Variants in MAML1 observed in about 807,000 individuals in gnomAD.
MAML1 encodes the protein mastermind-like protein 1.
A neutral mutation model predicts 77.1 loss-of-function variants in MAML1; 14 were observed. That is an observed-to-expected ratio of 0.18 (90% CI 0.12 to 0.28). MAML1 has a LOEUF of 0.28. MAML1 is among the 10% of genes least tolerant of loss of function. The pLI, the probability that MAML1 is intolerant of heterozygous loss-of-function variation, is 1.00. For synonymous variants in MAML1, 516 were observed against 551.9 expected (o/e 0.93, Z 0.91); for missense variants, 1,217 against 1,327.8 (o/e 0.92, Z 1.30).
chr5:179,753,556 C>T (rs2113357042), intron 1 of MAML1, among the ~76,000 whole-genome samples: 1 of 151,824 alleles, frequency 6.6e-6, no homozygotes, highest in East Asian at 1.9e-4. Context: ...GTGATTGATG[C>T]CTCGAAGAAA....
Position 179,765,986 on chromosome 5 carries a change from T to C in MAML1, c.976T>C (p.Phe326Leu). The change falls in exon 2 of 5, where the codon TTT becomes CTT. Residue 326 changes from phenylalanine to leucine, a missense_variant. This residue lies in a region of MAML1 where 884 missense variants were observed against 949.3 expected (regional missense o/e 0.93). Coordinates refer to ENST00000292599, the MANE Select transcript of MAML1 (RefSeq NM_014757.5). ...GAGGGCCGGGTCTGCAGGGCAGACC[T>C]TTCTGGGGCCTTCCTCTGCCCCTGT... ...QVRAGSAGQT[F>L]LGPSSAPVST... The C allele has an allele frequency of 5.0e-6, 8 of 1,610,614 alleles. No homozygotes were observed. The highest frequency in any genetic ancestry group is 6.8e-6 in the Non-Finnish European group (8 of 1,178,788).
At chr5:179,773,475 C>T (rs916501071) in intron 4 of MAML1, among the ~76,000 whole-genome samples, 2 of 152,256 alleles carry the variant, frequency 1.3e-5, no homozygotes, top group Non-Finnish European at 2.9e-5. Flanking sequence ...GGGCTTCCAG[C>T]CTGCACCCTG....
intron 1 of MAML1, among the ~76,000 whole-genome samples, chr5:179,738,110 A>C (rs1025218659): frequency 1.3e-5 from 2 of 152,120 alleles, no homozygotes; most frequent in Non-Finnish European, 2.9e-5. Flanking sequence ...GAAAAGCTCT[A>C]AGTTTGGTAC....
In MAML1 at chr5:179,765,921, C is replaced by T. The variant is rs202236629; in HGVS notation, c.911C>T (p.Pro304Leu). Residue 304 changes from proline (P) to leucine (L), a missense_variant, in exon 2 of 5, where the codon CCA becomes CTA. By Grantham distance (98) the Pro-to-Leu change is moderately conservative. Around this residue, in one of 3 missense-constraint regions of MAML1, gnomAD observed 884 missense variants for 949.3 expected, o/e 0.93. Coordinates refer to ENST00000292599, the MANE Select transcript of MAML1 (RefSeq NM_014757.5). ...QDINIKTEFS[P>L]AAFEQEQLGS... Reference sequence around the variant, plus strand: ...ATTAATATTAAGACGGAATTCTCTCCAGCAGCCTTTGAGCAAGAACAGTTA... The same window carrying T: ...ATTAATATTAAGACGGAATTCTCTCTAGCAGCCTTTGAGCAAGAACAGTTA... The T allele has an allele frequency of 1.2e-6, 2 of 1,614,132 alleles. No individual in the cohort carries two copies. Among genetic ancestry groups the T allele is most frequent in the Non-Finnish European group, 1.7e-6 (2 of 1,180,020 alleles).
At position 179,775,001 on chromosome 5, in the gene MAML1, G is replaced by A; in HGVS notation, c.*124G>A. On this transcript the variant is annotated 3_prime_UTR_variant, in exon 5 of 5. Transcript: ENST00000292599. The stretch of plus-strand genomic sequence containing the variant: ...GGGGAGCTGGGCAGGTAGAGCCCAA[G>A]CTCCAGGTGAGGCCTGGCCCTGGGC... 6.8e-7 allele frequency: 1 copy of A among 1,480,480 alleles called. No homozygotes were observed. Among genetic ancestry groups the A allele is most frequent in the Non-Finnish European group, 8.9e-7 (1 of 1,124,122 alleles). 91.7% of individuals were successfully genotyped at this position (1,480,480 alleles called of 1,614,324 possible).
intron 1 of MAML1, among the ~76,000 whole-genome samples, chr5:179,752,554 G>T (rs1482168419): frequency 2.8e-5 from 4 of 144,470 alleles, no homozygotes; most frequent in Non-Finnish European, 6.0e-5. Flanking sequence ...GTTGAGTAAT[G>T]AGTACGTTTG....
chr5:179,771,081 C>T lies in MAML1; in HGVS notation c.1972-66C>T. On this transcript the variant is annotated intron_variant, in intron 3 of 4. Coordinates refer to ENST00000292599, the MANE Select transcript of MAML1 (RefSeq NM_014757.5). This position sits in a 1 kb window ranked among gnomAD's most constrained non-coding sequence, Gnocchi z 4.7. ...GATAAGTTACTTTTCTCTGACCTCC[C>T]TCACTCCCTTTGTTTTGGATTTTGT... 1 of 1,237,866 alleles carries T rather than the reference C, an allele frequency of 8.1e-7. No individual in the cohort carries two copies. Among genetic ancestry groups the T allele is most frequent in the Non-Finnish European group, 1.2e-6 (1 of 837,684 alleles). The allele number at this position is 1,237,866 out of a possible 1,614,324, so 76.7% of individuals were successfully genotyped here. A position where few individuals can be genotyped will look rare whatever the true frequency, so the allele number is the denominator to read the frequency against.
At chr5:179,768,813 G>A (rs201862041) in intron 2 of MAML1, 37 bp from the exon 3 acceptor site, 1 of 1,611,594 alleles carries the variant, frequency 6.2e-7, no homozygotes, top group African/African-American at 1.3e-5. Flanking sequence ...TCTGATCAGA[G>A]CTTAGAGACT....
At chr5:179,740,822 A>G (rs1195481772) in intron 1 of MAML1, among the ~76,000 whole-genome samples, 2 of 152,084 alleles carry the variant, frequency 1.3e-5, no homozygotes, top group African/African-American at 2.4e-5. Context: ...TTCAAGGGAA[A>G]TTCCTAGTTT....
chr5:179,736,693 G>T (rs1779177420), intron 1 of MAML1, among the ~76,000 whole-genome samples: 1 of 152,134 alleles, frequency 6.6e-6, no homozygotes, highest in Non-Finnish European at 1.5e-5. Flanking sequence ...CGGGAGCAGT[G>T]GTTGACTCCT....
intron 1 of MAML1, among the ~76,000 whole-genome samples, chr5:179,735,117 A>G (rs1473968207): frequency 6.6e-6 from 1 of 152,234 alleles, no homozygotes; most frequent in Non-Finnish European, 1.5e-5. Context: ...TGGCACATGT[A>G]TACGTATGTA....
At chr5:179,753,654 A>ATTTTTTTTTTTTT (rs1209995171) in intron 1 of MAML1, among the ~76,000 whole-genome samples, 2 of 88,850 alleles carry the variant, frequency 2.3e-5, no homozygotes, top group African/African-American at 3.6e-5. Context: ...TATTATTATT[A>ATTTTTTTTTTTTT]TTTTTTTTTT....
rs1756103977 is a variant in MAML1, at chr5:179,775,013, GC to G, written c.*138del. 4.8e-6 allele frequency: 7 copies of G among 1,466,552 alleles called. No individual in the cohort carries two copies. In the Admixed American group the frequency reaches 1.5e-4, roughly 32 times the overall value. The allele number at this position is 1,466,552 out of a possible 1,614,324, so 90.8% of individuals were successfully genotyped here. A position where few individuals can be genotyped will look rare whatever the true frequency, so the allele number is the denominator to read the frequency against. On this transcript the variant is annotated 3_prime_UTR_variant, in exon 5 of 5. Coordinates refer to ENST00000292599, the MANE Select transcript of MAML1 (RefSeq NM_014757.5). The stretch of plus-strand genomic sequence containing the variant: ...AGGTAGAGCCCAAGCTCCAGGTGAG[GC>G]CTGGCCCTGGGCAGGGTCTGTGGCT...
At chr5:179,773,784 G>A (rs1756058117) in intron 4 of MAML1, 111 bp from the exon 5 acceptor site, 2 of 1,505,202 alleles carry the variant, frequency 1.3e-6, no homozygotes, top group Admixed American at 4.4e-5. Context: ...GGCCCCCGGG[G>A]CCCTCTTCCC....
chr5:179,754,449 C>A (rs1164247781), intron 1 of MAML1, among the ~76,000 whole-genome samples: 2 of 151,966 alleles, frequency 1.3e-5, no homozygotes, highest in Non-Finnish European at 2.9e-5. Context: ...AAAAAATTAG[C>A]TGAGTATGGT....
rs113715124 is a variant in MAML1, at chr5:179,765,400, C to T, written c.390C>T (p.Tyr130=). ...SPQNGDQQNG[Y]GDLFPGHKKT... is the part of the protein sequence containing the mutation. Reference sequence around the variant, plus strand: ...AGAATGGCGATCAACAGAATGGCTACGGGGACCTCTTTCCTGGGCATAAGA... The same window carrying T: ...AGAATGGCGATCAACAGAATGGCTATGGGGACCTCTTTCCTGGGCATAAGA... Residue 130 remains tyrosine (Y), a synonymous_variant, in exon 2 of 5, where the codon TAC becomes TAT. Coordinates refer to ENST00000292599, the MANE Select transcript of MAML1 (RefSeq NM_014757.5). 7.1e-3 allele frequency: 11,520 copies of T among 1,614,054 alleles called. 54 individuals carry two copies. The highest frequency in any genetic ancestry group is 9.0e-3 in the Non-Finnish European group (10,666 of 1,179,956).
At chr5:179,750,800 T>C (rs1779474112) in intron 1 of MAML1, among the ~76,000 whole-genome samples, 1 of 152,024 alleles carries the variant, frequency 6.6e-6, no homozygotes, top group African/African-American at 2.4e-5. Flanking sequence ...AGGAAGAGTT[T>C]GCTAGAAAGA....
chr5:179,770,507 G>A (rs1370079410), intron 3 of MAML1, among the ~76,000 whole-genome samples: 1 of 152,140 alleles, frequency 6.6e-6, no homozygotes, highest in Non-Finnish European at 1.5e-5. Flanking sequence ...TTTCAATCAT[G>A]TGCTAGGTAA....
intron 1 of MAML1, among the ~76,000 whole-genome samples, chr5:179,742,024 A>G (rs902262806): frequency 8.6e-5 from 13 of 151,826 alleles, no homozygotes; most frequent in South Asian, 2.1e-4. Context: ...CAGCCTCCCA[A>G]GTAGCTGAGG....
Sources: allele counts gnomAD v4.1 joint callset (sites outside exome capture counted in the v4.1 genomes callset), GRCh38; gene constraint gnomAD v4.1.1; regional missense constraint gnomAD v4.1.1; non-coding constraint Gnocchi (gnomAD v3.1); transcripts MANE v1.5; gene names NCBI Gene and HGNC (gene_info 2026-07-23, HGNC 2026-07-21).